The following EPHX2 variants were observed in gnomAD, a reference collection of about 807,000 sequenced individuals.
The protein encoded by EPHX2 is bifunctional epoxide hydrolase 2.
EPHX2 carries 74 observed loss-of-function variants against 78.7 expected under a neutral mutation model. The observed-to-expected ratio is 0.94, with a 90% confidence interval of 0.78 to 1.14. The LOEUF (loss-of-function observed/expected upper bound fraction) is 1.14, where lower values mean the gene tolerates loss of function less well. EPHX2 is among the 50% of genes most tolerant of loss of function. The pLI is 0.00. For missense variants in EPHX2, 715 were observed against 702.5 expected, an observed-to-expected ratio of 1.02 and a Z score of -0.20; for synonymous variants, 251 against 255.2, an observed-to-expected ratio of 0.98 and a Z score of 0.16.
At chr8:27,497,123 A>G (rs1328111269) in intron 1 of EPHX2, among the ~76,000 whole-genome samples, 7 of 152,216 alleles carry the variant, frequency 4.6e-5, no homozygotes, top group Non-Finnish European at 8.8e-5. Flanking sequence ...AGTCTGCACC[A>G]GTGTCCAGGA....
chr8:27,491,253 G>T lies in EPHX2; in HGVS notation c.45G>T (p.Ala15=). The T allele has an allele frequency of 1.3e-6, 2 of 1,583,956 alleles. No homozygotes were observed. The highest frequency in any genetic ancestry group is 1.1e-5 in the South Asian group (1 of 89,198). Residue 15 remains alanine, a synonymous_variant, in exon 1 of 19, where the codon GCG becomes GCT. Transcript: ENST00000521400. ...AAVFDLDGVL[A]LPAVFGVLGR... ...TCTTCGACCTTGACGGGGTGCTGGCGCTGCCAGCGGTGTTCGGCGTCCTCG... is the reference window on the plus strand; with the variant it reads ...TCTTCGACCTTGACGGGGTGCTGGCTCTGCCAGCGGTGTTCGGCGTCCTCG...
At chr8:27,545,960 A>G (rs1398229650), downstream of EPHX2, among the ~76,000 whole-genome samples, 1 of 151,964 alleles carries the variant, frequency 6.6e-6, no homozygotes, top group Non-Finnish European at 1.5e-5. Context: ...TTTAACCGAG[A>G]GGGAAACTGA....
chr8:27,492,228 CAAGTAG>C (rs1813405500), intron 1 of EPHX2, among the ~76,000 whole-genome samples: 1 of 152,100 alleles, frequency 6.6e-6, no homozygotes, highest in South Asian at 2.1e-4. Flanking sequence ...GATGAGATGG[CAAGTAG>C]CTTGAGGGAA....
chr8:27,529,327 G>A (rs1814954779), intron 12 of EPHX2, among the ~76,000 whole-genome samples: 1 of 152,214 alleles, frequency 6.6e-6, no homozygotes, highest in Admixed American at 6.5e-5. Context: ...GGCAGCTCTG[G>A]CAGCGAAGGC....
chr8:27,514,808 T>C (rs989353437), intron 6 of EPHX2, among the ~76,000 whole-genome samples: 1 of 152,000 alleles, frequency 6.6e-6, no homozygotes, highest in Non-Finnish European at 1.5e-5. Context: ...CCACACCGAC[T>C]GTAGGAGGGG....
At chr8:27,512,756 G>A (rs1814299958) in intron 6 of EPHX2, among the ~76,000 whole-genome samples, 1 of 152,174 alleles carries the variant, frequency 6.6e-6, no homozygotes, top group African/African-American at 2.4e-5. Flanking sequence ...CTGGAATCTT[G>A]GTTTTGCCAC....
intron 6 of EPHX2, among the ~76,000 whole-genome samples, chr8:27,513,079 A>ACTCACAAC (rs910182241): frequency 4.6e-5 from 7 of 151,912 alleles, no homozygotes; most frequent in African/African-American, 1.7e-4. Context: ...GGGATTTTAC[A>ACTCACAAC]CTCACAACCT....
intron 12 of EPHX2, among the ~76,000 whole-genome samples, 159 bp from the exon 13 acceptor site, chr8:27,536,625 A>G (rs1815220691): frequency 6.6e-6 from 1 of 152,198 alleles, no homozygotes; most frequent in African/African-American, 2.4e-5. Context: ...TTTTTAAAAG[A>G]CATGTTTTAT....
Position 27,544,203 on chromosome 8 carries a change from G to A in EPHX2, c.1548G>A (p.Arg516=), listed in dbSNP as rs777296262. The A allele has an allele frequency of 1.9e-6, 3 of 1,614,168 alleles. No homozygotes were observed. The South Asian group carries it at 3.3e-5, about 18-fold the overall frequency. ...CCTTTCAGATTCCCCACCTGAAAAG[G>A]GGACACATTGAGGACTGTGGGCACT... ...HMEDWIPHLK[R]GHIEDCGHWT... is the part of the protein sequence containing the mutation. The change falls in exon 18 of 19, where the codon AGG becomes AGA. Residue 516 remains arginine (R), a synonymous_variant. Transcript: ENST00000521400.
At chr8:27,548,248 C>G (rs1815605928), downstream of EPHX2, among the ~76,000 whole-genome samples, 1 of 152,238 alleles carries the variant, frequency 6.6e-6, no homozygotes, top group South Asian at 2.1e-4. Flanking sequence ...CTTGACATGA[C>G]TGTCCACCAG....
intron 12 of EPHX2, 140 bp downstream of exon 12, chr8:27,525,613 T>A: frequency 1.3e-6 from 1 of 772,176 alleles, no homozygotes; most frequent in East Asian, 2.6e-5. Context: ...TGGGCTCAGG[T>A]GAAACTGGCT....
rs117778425 is a variant in EPHX2 at position 27,520,119 on chromosome 8, G to A, written c.946-764G>A. On this transcript the variant is annotated intron_variant, in intron 9 of 18. Transcript: ENST00000521400. ...AGCCTCCCAAAGTGCTAGGATTACA[G>A]GTGCGGGCCATTGTGCCCAGCCTAA... Among the ~76,000 whole-genome samples the A allele has an allele frequency of 7.5e-3, 1,137 of 151,664 alleles. 8 individuals carry two copies. The highest frequency in any genetic ancestry group is 0.011 in the Non-Finnish European group (769 of 67,890).
At chr8:27,518,821 C>G (rs958554756) in intron 9 of EPHX2, among the ~76,000 whole-genome samples, 1 of 152,176 alleles carries the variant, frequency 6.6e-6, no homozygotes, top group African/African-American at 2.4e-5. Context: ...AGGGCTGCTC[C>G]TCCTTCCTCA....
At chr8:27,533,136 G>A (rs1159741187) in intron 12 of EPHX2, among the ~76,000 whole-genome samples, 1 of 152,074 alleles carries the variant, frequency 6.6e-6, no homozygotes, top group Non-Finnish European at 1.5e-5. Flanking sequence ...TAATAATAAT[G>A]GAGATAATGA....
In EPHX2 at chr8:27,496,673, C is replaced by T. The variant is rs139551584; in HGVS notation, c.102-4253C>T. Among the ~76,000 whole-genome samples the T allele has an allele frequency of 5.0e-4, 76 of 152,320 alleles. 1 individual carries two copies. The Middle Eastern group carries it at 0.02, about 41-fold the overall frequency. On this transcript the variant is annotated intron_variant, in intron 1 of 18. Transcript: ENST00000521400. ...TTGCAGGGACTGCTGCATTTTCTTACTAAGCCTTGAACTTTTAAATGTCTA... is the reference window on the plus strand; with the variant it reads ...TTGCAGGGACTGCTGCATTTTCTTATTAAGCCTTGAACTTTTAAATGTCTA...
intron 3 of EPHX2, among the ~76,000 whole-genome samples, chr8:27,504,727 T>C (rs1813930691): frequency 6.6e-6 from 1 of 152,204 alleles, no homozygotes; most frequent in Non-Finnish European, 1.5e-5. Context: ...TTTCTCCATC[T>C]AGGCTTCTGA....
chr8:27,536,842 G>T lies in EPHX2; in HGVS notation c.1229G>T (p.Arg410Ile). The T allele has an allele frequency of 6.2e-7, 1 of 1,613,838 alleles. No individual in the cohort carries two copies. Among genetic ancestry groups the T allele is most frequent in the Non-Finnish European group, 8.5e-7 (1 of 1,179,928 alleles). The change falls in exon 13 of 19, where the codon AGA (arginine) becomes ATA (isoleucine). Residue 410 changes from arginine to isoleucine, a missense_variant. By Grantham distance (97) the Arg-to-Ile change is moderately conservative (BLOSUM62 -3). Transcript: ENST00000521400. ...NLSRTFKSLF[R>I]ASDESVLSMH... Reference sequence around the variant, plus strand: ...AGTCGGACTTTCAAAAGCCTCTTCAGAGCAAGCGATGAGGTGAGGGGTGGG... The same window carrying T: ...AGTCGGACTTTCAAAAGCCTCTTCATAGCAAGCGATGAGGTGAGGGGTGGG...
chr8:27,520,955 G>T (rs753596302), intron 10 of EPHX2, 46 bp downstream of exon 10: 1 of 1,612,294 alleles, frequency 6.2e-7, no homozygotes, highest in Non-Finnish European at 8.5e-7. Flanking sequence ...TTCCTTTGGG[G>T]CCTGGGTAAT....
At chr8:27,516,515 T>C in intron 8 of EPHX2, 117 bp downstream of exon 8, 1 of 955,040 alleles carries the variant, frequency 1.0e-6, no homozygotes, top group Non-Finnish European at 1.6e-6. Flanking sequence ...CTTAAGAGAG[T>C]CTGACTTCAC....
Sources: gnomAD v4.1 joint callset for allele counts (sites outside exome capture counted in the v4.1 genomes callset) on GRCh38, gnomAD v4.1.1 for gene constraint, MANE v1.5 for transcripts, NCBI Gene and HGNC (gene_info 2026-07-23, HGNC 2026-07-21) for gene names.